The following CNTNAP2 variants were observed in gnomAD, a reference collection of about 807,000 sequenced individuals.
CNTNAP2 encodes contactin-associated protein-like 2.
A neutral mutation model predicts 155.2 loss-of-function variants in CNTNAP2; 98 were observed. The ratio of observed to expected loss-of-function variants is 0.63; its 90% CI spans 0.54 to 0.75. The LOEUF is 0.75. Among genes scored for constraint, CNTNAP2 ranks in the 30% least tolerant of loss-of-function variants. The pLI is 0.00. For missense variants in CNTNAP2, 1,727 were observed against 1,688.1 expected (o/e 1.02, Z -0.40); for synonymous variants, 651 against 631.2 (o/e 1.03, Z -0.47).
intron 1 of CNTNAP2, among the ~76,000 whole-genome samples, chr7:146,673,108 CAT>C (rs1250083094): frequency 6.6e-6 from 1 of 152,064 alleles, no homozygotes. Context: ...AGTTCAGAAT[CAT>C]AGATTCATGC....
At chr7:147,356,236 C>T (rs889944218) in intron 9 of CNTNAP2, among the ~76,000 whole-genome samples, 1 of 151,998 alleles carries the variant, frequency 6.6e-6, no homozygotes. Flanking sequence ...AATTCAACAC[C>T]CCTTCATGCT....
At chr7:148,402,212 C>T (rs1260463825) in intron 22 of CNTNAP2, among the ~76,000 whole-genome samples, 2 of 152,232 alleles carry the variant, frequency 1.3e-5, no homozygotes, top group Non-Finnish European at 2.9e-5. Flanking sequence ...GCCACTTTCT[C>T]ATTCCTTTAA....
intron 1 of CNTNAP2, among the ~76,000 whole-genome samples, chr7:146,740,426 T>C (rs1310489745): frequency 6.6e-6 from 1 of 152,154 alleles, no homozygotes; most frequent in East Asian, 1.9e-4. Flanking sequence ...TATATTATTT[T>C]CAGGCACTTC....
intron 3 of CNTNAP2, among the ~76,000 whole-genome samples, chr7:147,028,402 G>C (rs1798962700): frequency 6.6e-6 from 1 of 152,176 alleles, no homozygotes; most frequent in Admixed American, 6.5e-5. Context: ...AAGACATTTG[G>C]TGGAGTTTGT....
At chr7:148,251,601 G>C (rs1438390916) in intron 20 of CNTNAP2, among the ~76,000 whole-genome samples, 1 of 152,174 alleles carries the variant, frequency 6.6e-6, no homozygotes, top group African/African-American at 2.4e-5. Flanking sequence ...CATGTTTGAT[G>C]AAAAGAAGGG....
At chr7:148,373,454 CA>C (rs1424396095) in intron 21 of CNTNAP2, among the ~76,000 whole-genome samples, 1 of 151,862 alleles carries the variant, frequency 6.6e-6, no homozygotes, top group African/African-American at 2.4e-5. Flanking sequence ...GACTCAGTCT[CA>C]AAAAACAACA....
At chr7:148,242,480 CAGTG>C (rs1329440165) in intron 20 of CNTNAP2, among the ~76,000 whole-genome samples, 2 of 152,190 alleles carry the variant, frequency 1.3e-5, no homozygotes, top group Non-Finnish European at 2.9e-5. Flanking sequence ...TAGCTGTAAC[CAGTG>C]AGCGTAGGGA....
At chr7:146,779,293 T>G (rs1428987843) in intron 2 of CNTNAP2, among the ~76,000 whole-genome samples, 1 of 152,136 alleles carries the variant, frequency 6.6e-6, no homozygotes, top group Non-Finnish European at 1.5e-5. Context: ...AAACAAAAAC[T>G]AGTTATTATC....
At position 147,010,614 on chromosome 7, in the gene CNTNAP2, G is replaced by A. The variant is rs750759922; in HGVS notation, c.403-33293G>A. ...CATCAAACTATGTAGTGATACTACC[G>A]TATTATAACTCACTGAATAAAATAG... On this transcript the variant is annotated intron_variant, in intron 3 of 23. Coordinates refer to ENST00000361727, the MANE Select transcript of CNTNAP2 (RefSeq NM_014141.6). Among the ~76,000 whole-genome samples, 9 of 152,082 alleles carry A rather than the reference G, an allele frequency of 5.9e-5. No individual in the cohort carries two copies. The South Asian group carries it at 6.2e-4, about 10-fold the overall frequency.
At chr7:146,912,896 G>A (rs1019432302) in intron 3 of CNTNAP2, among the ~76,000 whole-genome samples, 2 of 152,024 alleles carry the variant, frequency 1.3e-5, no homozygotes, top group African/African-American at 2.4e-5. Flanking sequence ...TTGACCCACT[G>A]CAGTAACATT....
chr7:148,277,637 C>G (rs1039409149), intron 21 of CNTNAP2, among the ~76,000 whole-genome samples: 4 of 151,828 alleles, frequency 2.6e-5, no homozygotes. Context: ...CCCCAGAGCC[C>G]CAGACTGGGA....
intron 13 of CNTNAP2, among the ~76,000 whole-genome samples, chr7:147,875,287 G>A (rs1286949106): frequency 2.0e-5 from 3 of 152,194 alleles, no homozygotes; most frequent in African/African-American, 7.2e-5. Flanking sequence ...TGGCTGGGAA[G>A]GCCTCACAAT....
intron 21 of CNTNAP2, among the ~76,000 whole-genome samples, chr7:148,289,853 G>T (rs922247854): frequency 3.3e-5 from 5 of 152,180 alleles, no homozygotes; most frequent in Admixed American, 2.0e-4. Context: ...CACACATGAT[G>T]TCATCAATAG....
chr7:147,882,447 G>A (rs546898972), intron 13 of CNTNAP2, among the ~76,000 whole-genome samples: 1 of 152,306 alleles, frequency 6.6e-6, no homozygotes, highest in African/African-American at 2.4e-5. Context: ...GCTGCTTCAG[G>A]TGAGGTGGTG....
chr7:148,385,403 A>G (rs1207827342), intron 22 of CNTNAP2, among the ~76,000 whole-genome samples: 1 of 152,222 alleles, frequency 6.6e-6, no homozygotes, highest in Non-Finnish European at 1.5e-5. Flanking sequence ...ATACAAGAGG[A>G]GAAAAGACAT....
At chr7:147,469,495 G>T (rs1798175163) in intron 10 of CNTNAP2, among the ~76,000 whole-genome samples, 1 of 122,950 alleles carries the variant, frequency 8.1e-6, no homozygotes, top group Non-Finnish European at 1.8e-5. Flanking sequence ...GCACCAGGAT[G>T]TCAGGCTGCA....
chr7:147,429,435 G>GT (rs1219622778), intron 10 of CNTNAP2, among the ~76,000 whole-genome samples: 4 of 151,732 alleles, frequency 2.6e-5, no homozygotes, highest in Admixed American at 6.6e-5. Context: ...GAGATTATTT[G>GT]TTTTTTTCTT....
chr7:146,792,067 C>A (rs1374701656), intron 2 of CNTNAP2, among the ~76,000 whole-genome samples: 1 of 152,150 alleles, frequency 6.6e-6, no homozygotes, highest in Non-Finnish European at 1.5e-5. Context: ...AAATAAAAAT[C>A]CTGTTGCCGA....
At chr7:146,451,177 A>G (rs57382974) in intron 1 of CNTNAP2, among the ~76,000 whole-genome samples, 1,747 of 152,158 alleles carry the variant, frequency 0.011, 25 homozygotes, top group Middle Eastern at 0.058. Context: ...GGATCCCCTG[A>G]CCTCGTGATC....
Sources: allele counts gnomAD v4.1 joint callset (sites outside exome capture counted in the v4.1 genomes callset), GRCh38; gene constraint gnomAD v4.1.1; transcripts MANE v1.5; gene names NCBI Gene and HGNC (gene_info 2026-07-23, HGNC 2026-07-21).